Variants in MYLK observed in about 807,000 individuals in gnomAD.
The protein encoded by MYLK is myosin light chain kinase, also known as myosin light chain kinase, smooth muscle.
MYLK carries 106 observed loss-of-function variants against 203.4 expected under a neutral mutation model. The observed-to-expected ratio is 0.52, with a 90% CI of 0.45 to 0.61. MYLK has a LOEUF of 0.61. MYLK is among the 20% of genes least tolerant of loss of function. The pLI is 0.00. For synonymous variants in MYLK, 867 were observed against 959.5 expected, an observed-to-expected ratio of 0.90 and a Z score of 1.78; for missense variants, 2,072 against 2,442.3, an observed-to-expected ratio of 0.85 and a Z score of 3.20.
At chr3:123,692,705 G>T in intron 19 of MYLK, 30 bp downstream of exon 19, 2 of 1,537,526 alleles carry the variant, frequency 1.3e-6, no homozygotes, top group Non-Finnish European at 1.8e-6. Context: ...CCCTGTGTAT[G>T]GGTGGCGGCG....
At chr3:123,646,208 G>A (rs2059015685) in intron 27 of MYLK, among the ~76,000 whole-genome samples, 1 of 152,050 alleles carries the variant, frequency 6.6e-6, no homozygotes, top group African/African-American at 2.4e-5. Context: ...GTGTTAAAAG[G>A]CAAGAAAATA....
intron 4 of MYLK, among the ~76,000 whole-genome samples, chr3:123,789,759 A>G (rs971806775): frequency 1.3e-5 from 2 of 152,038 alleles, no homozygotes; most frequent in Non-Finnish European, 2.9e-5. Context: ...TGCTAATCAA[A>G]TAGTAGTTGT....
At chr3:123,784,377 T>C (rs1195953334) in intron 4 of MYLK, among the ~76,000 whole-genome samples, 1 of 112,022 alleles carries the variant, frequency 8.9e-6, no homozygotes, top group Non-Finnish European at 1.7e-5. Context: ...GTTGACTTTC[T>C]TTTTTTTTTT....
intron 20 of MYLK, among the ~76,000 whole-genome samples, chr3:123,668,347 T>TA (rs1422146188): frequency 6.6e-6 from 1 of 152,216 alleles, no homozygotes; most frequent in Non-Finnish European, 1.5e-5. Flanking sequence ...AAACTACTGA[T>TA]ACACAGAACA....
At position 123,700,719 on chromosome 3, in the gene MYLK, C is replaced by T; in HGVS notation, c.2749G>A (p.Glu917Lys). 1 of 1,614,162 alleles carries T rather than the reference C, an allele frequency of 6.2e-7. No individual in the cohort carries two copies. Among genetic ancestry groups the T allele is most frequent in the Non-Finnish European group, 8.5e-7 (1 of 1,180,030 alleles). ...AAATCCATCTGCTCGGCTGGGATCTCCTTCAGGTCGTCTTCCGATAGGGTC... is the reference window on the plus strand; with the variant it reads ...AAATCCATCTGCTCGGCTGGGATCTTCTTCAGGTCGTCTTCCGATAGGGTC... ...TKTLSEDDLK[E>K]IPAEQMDFRA... Residue 917 changes from glutamate (E) to lysine (K), a missense_variant, in exon 18 of 34, where the codon GAG becomes AAG. Physicochemically the swap from Glu to Lys is moderately conservative, Grantham distance 56 (BLOSUM62 1). Around this residue, in one of 3 missense-constraint regions of MYLK, gnomAD observed 865 missense variants for 1,016.0 expected, o/e 0.85. Coordinates refer to ENST00000360304, the MANE Select transcript of MYLK (RefSeq NM_053025.4).
rs3052386 is a variant in MYLK at position 123,827,694 on chromosome 3, C to CAT, written c.-4+3852_-4+3853dup. 7.4e-3 allele frequency among the ~76,000 whole-genome samples: 180 copies of CAT among 24,214 alleles called. 2 individuals are homozygous for CAT. Among genetic ancestry groups the CAT allele is most frequent in the Non-Finnish European group, 0.012 (108 of 9,194 alleles). The allele number at this position is 24,214 out of a possible 152,430, so 15.9% of individuals were successfully genotyped here. A position where few individuals can be genotyped will look rare whatever the true frequency, so the allele number is the denominator to read the frequency against. On this transcript the variant is annotated intron_variant, in intron 3 of 33. Transcript: ENST00000360304. Reference sequence around the variant, plus strand: ...CTGGAAATGAAAAGATGAAAAACACCATATATATATATATATATATATATA... The same window carrying CAT: ...CTGGAAATGAAAAGATGAAAAACACCATATATATATATATATATATATATATA...
At chr3:123,620,610 C>T in intron 31 of MYLK, 6 of 1,231,192 alleles carry the variant, frequency 4.9e-6, no homozygotes, top group Non-Finnish European at 6.2e-6. Flanking sequence ...GACAAAAACC[C>T]TTTTCATACA....
At chr3:123,773,848 C>T (rs1244555867) in intron 4 of MYLK, among the ~76,000 whole-genome samples, 2 of 152,252 alleles carry the variant, frequency 1.3e-5, no homozygotes, top group African/African-American at 4.8e-5. Flanking sequence ...CACTGGTTAA[C>T]TCATCCTGCA....
Position 123,720,537 on chromosome 3 carries a change from T to C in MYLK, c.1804+1591A>G, listed in dbSNP as rs1384606297. ...GAAGAGCCCCCAGGTGAGTCCTGCT[T>C]CCTGGACCTCAGAGACAAGGTTCTC... On this transcript the variant is annotated intron_variant, in intron 13 of 33. Coordinates refer to ENST00000360304, the MANE Select transcript of MYLK (RefSeq NM_053025.4). 2.0e-5 allele frequency among the ~76,000 whole-genome samples: 3 copies of C among 152,288 alleles called. No individual in the cohort carries two copies. The South Asian group carries it at 6.2e-4, about 32-fold the overall frequency.
intron 3 of MYLK, among the ~76,000 whole-genome samples, chr3:123,805,812 C>T (rs557437231): frequency 3.3e-5 from 5 of 152,336 alleles, no homozygotes; most frequent in African/African-American, 1.2e-4. Context: ...CCCATCTGTA[C>T]ATCTGCAGGG....
At chr3:123,736,557 C>G (rs780370925) in intron 8 of MYLK, among the ~76,000 whole-genome samples, 3 of 151,970 alleles carry the variant, frequency 2.0e-5, no homozygotes, top group Non-Finnish European at 4.4e-5. Flanking sequence ...ACAAGACTTA[C>G]AAGGAAGAAC....
intron 29 of MYLK, among the ~76,000 whole-genome samples, chr3:123,632,609 T>G (rs2058482226): frequency 6.6e-6 from 1 of 151,918 alleles, no homozygotes; most frequent in African/African-American, 2.4e-5. Context: ...CTGCCCAAGT[T>G]CCCCCAGCAT....
intron 33 of MYLK, chr3:123,616,991 T>TGTTGTTTTTTCAAAATAATTTTAGAA (rs2057535868): frequency 6.6e-6 from 1 of 152,204 alleles, no homozygotes; most frequent in Admixed American, 6.5e-5. Context: ...TTCTTTTCAA[T>TGTTGTTTTTTCAAAATAATTTTAGAA]GTTGTTTTTT....
intron 3 of MYLK, among the ~76,000 whole-genome samples, chr3:123,820,930 T>C (rs1462333710): frequency 6.6e-6 from 1 of 152,146 alleles, no homozygotes; most frequent in Non-Finnish European, 1.5e-5. Context: ...GATTTCACCA[T>C]GTTAACCAGG....
intron 4 of MYLK, among the ~76,000 whole-genome samples, chr3:123,757,380 G>A (rs1304253890): frequency 3.9e-5 from 6 of 152,136 alleles, no homozygotes; most frequent in African/African-American, 1.2e-4. Context: ...CAGATCTGCC[G>A]CATGTCTTTT....
At chr3:123,616,381 G>A (rs1335057563) in intron 33 of MYLK, 2 of 152,050 alleles carry the variant, frequency 1.3e-5, no homozygotes, top group African/African-American at 4.8e-5. Flanking sequence ...ATGTGTATGT[G>A]TACATATATA....
intron 18 of MYLK, among the ~76,000 whole-genome samples, chr3:123,697,394 A>T (rs758247209): frequency 7.9e-5 from 12 of 152,246 alleles, no homozygotes; most frequent in Admixed American, 6.5e-4. Flanking sequence ...GGCTAGGGGC[A>T]CCATCAGTGT....
intron 26 of MYLK, among the ~76,000 whole-genome samples, chr3:123,647,741 G>A (rs2059071522): frequency 1.3e-5 from 2 of 151,154 alleles, no homozygotes; most frequent in South Asian, 4.2e-4. Context: ...TTTTAGAGAT[G>A]GGGTCTCGCT....
At chr3:123,819,062 C>T (rs2065836799) in intron 3 of MYLK, among the ~76,000 whole-genome samples, 1 of 152,170 alleles carries the variant, frequency 6.6e-6, no homozygotes, top group African/African-American at 2.4e-5. Flanking sequence ...GAGAAGTCTC[C>T]TGGTCAGTGC....
Sources: allele counts gnomAD v4.1 joint callset (sites outside exome capture counted in the v4.1 genomes callset), GRCh38; gene constraint gnomAD v4.1.1; regional missense constraint gnomAD v4.1.1; transcripts MANE v1.5; gene names NCBI Gene and HGNC (gene_info 2026-07-23, HGNC 2026-07-21).